MMP24: variants seen among roughly 807,000 people sequenced by gnomAD.
MMP24 encodes matrix metallopeptidase 24.
A neutral mutation model predicts 62.8 loss-of-function variants in MMP24; 25 were observed. That is an observed-to-expected ratio of 0.40 (90% CI 0.29 to 0.56). The LOEUF is 0.56. Ranked by LOEUF, MMP24 falls within the 20% of genes least tolerant of loss-of-function variation. The probability of loss-of-function intolerance (pLI) is 0.50; values close to 1 mark genes in which losing one functional copy is unlikely to be tolerated. For missense variants in MMP24, 634 were observed against 853.6 expected, an observed-to-expected ratio of 0.74 and a Z score of 3.21; for synonymous variants, 319 against 350.5, an observed-to-expected ratio of 0.91 and a Z score of 1.00.
chr20:35,238,138 G>C (rs963807308), intron 1 of MMP24, among the ~76,000 whole-genome samples: 1 of 152,200 alleles, frequency 6.6e-6, no homozygotes. Context: ...AGAGATAACT[G>C]CAGAGCCGAG....
In MMP24 at chr20:35,271,786, G is replaced by T; in HGVS notation, c.1551G>T (p.Trp517Cys). 1 of 1,607,740 alleles carries T rather than the reference G, an allele frequency of 6.2e-7. No individual in the cohort carries two copies. Residue 517 changes from tryptophan to cysteine, a missense_variant, in exon 8 of 9, where the codon TGG becomes TGT. By Grantham distance (215) the Trp-to-Cys change is radical. Transcript: ENST00000246186. The surrounding 1 kb of genome is among the most constrained non-coding windows in gnomAD (Gnocchi z 4.0). Reference protein sequence around the residue: ...DPGYPKPITVWKGIPQAPQGA... With the variant: ...DPGYPKPITVCKGIPQAPQGA... ...GCTACCCTAAGCCCATCACCGTGTG[G>T]AAGGGCATCCCACAGGCTCCCCAAG...
chr20:35,269,873 C>G lies in MMP24; in HGVS notation c.1308C>G (p.Ala436=). 1.3e-6 allele frequency: 2 copies of G among 1,552,042 alleles called. No homozygotes were observed. Among genetic ancestry groups the G allele is most frequent in the Non-Finnish European group, 1.7e-6 (2 of 1,147,198 alleles). The change falls in exon 7 of 9, where the codon GCC becomes GCG. Residue 436 remains alanine, a synonymous_variant. Coordinates refer to ENST00000246186, the MANE Select transcript of MMP24 (RefSeq NM_006690.4). This position sits in a 1 kb window ranked among gnomAD's most constrained non-coding sequence, Gnocchi z 4.6. ...GCATCGACGCAGCCTATGAAAGGGC[C>G]GATGGGAGATTTGTCTTCTTCAAAG... ...PARIDAAYER[A]DGRFVFFKGD...
chr20:35,266,311 C>T (rs1341258660), intron 5 of MMP24, among the ~76,000 whole-genome samples: 5 of 143,658 alleles, frequency 3.5e-5, no homozygotes, highest in Middle Eastern at 3.6e-3. Flanking sequence ...TAGATCACGC[C>T]ACTGCACTCC....
intron 6 of MMP24, among the ~76,000 whole-genome samples, 152 bp downstream of exon 6, chr20:35,267,571 T>G (rs1221556785): frequency 6.6e-6 from 1 of 152,196 alleles, no homozygotes; most frequent in Non-Finnish European, 1.5e-5. Flanking sequence ...TGGGGTCTCT[T>G]CCTAGTGCTG....
intron 1 of MMP24, among the ~76,000 whole-genome samples, chr20:35,233,370 C>T (rs529335923): frequency 6.6e-6 from 1 of 152,246 alleles, no homozygotes; most frequent in Admixed American, 6.5e-5. Flanking sequence ...GATTGAACTA[C>T]TGTACTCCAG....
At chr20:35,238,076 A>G (rs1436495504) in intron 1 of MMP24, among the ~76,000 whole-genome samples, 2 of 152,192 alleles carry the variant, frequency 1.3e-5, no homozygotes, top group African/African-American at 4.8e-5. Flanking sequence ...CTGCTGATGG[A>G]CCATTTGCTC....
intron 1 of MMP24, among the ~76,000 whole-genome samples, chr20:35,230,683 T>C (rs894102166): frequency 2.0e-5 from 3 of 152,138 alleles, no homozygotes; most frequent in Admixed American, 6.5e-5. Context: ...TAGAAAGAAA[T>C]TGAGAGATAA....
intron 4 of MMP24, among the ~76,000 whole-genome samples, chr20:35,258,953 G>C (rs2060588763): frequency 6.6e-6 from 1 of 152,138 alleles, no homozygotes; most frequent in African/African-American, 2.4e-5. Context: ...GCCGAGGGGG[G>C]GCAGATCACC....
chr20:35,272,200 A>G (rs2060674177), intron 8 of MMP24: 1 of 426,820 alleles, frequency 2.3e-6, no homozygotes, highest in African/African-American at 2.0e-5. Context: ...ACAGGGCTCG[A>G]GGGCAAGAAG....
intron 6 of MMP24, chr20:35,267,823 T>C (rs2425033): frequency 0.19 from 46,762 of 242,546 alleles, 6,582 homozygotes; most frequent in African/African-American, 0.45. Flanking sequence ...AGGTCAGTGG[T>C]GGCTGAGTCT....
At chr20:35,259,089 G>A (rs1304365006) in intron 4 of MMP24, among the ~76,000 whole-genome samples, 1 of 152,226 alleles carries the variant, frequency 6.6e-6, no homozygotes, top group Non-Finnish European at 1.5e-5. Context: ...GCTGAGGCAG[G>A]AGAATGGCTT....
chr20:35,274,219 G>A lies in MMP24; in HGVS notation c.1601-53G>A, dbSNP rs2060689980. The A allele has an allele frequency of 6.6e-7, 1 of 1,523,078 alleles. No individual in the cohort carries two copies. 94.3% of individuals were successfully genotyped at this position (1,523,078 alleles called of 1,614,324 possible). ...GTGCCCTCCTTTTCACACTGCCCCA[G>A]AGCAGGTGCCGGAAGTGTCTGGGAG... On this transcript the variant is annotated intron_variant, in intron 8 of 8. Transcript: ENST00000246186. This position sits in a 1 kb window ranked among gnomAD's most constrained non-coding sequence, Gnocchi z 5.1.
At chr20:35,236,275 G>C (rs997805308) in intron 1 of MMP24, 2 of 152,182 alleles carry the variant, frequency 1.3e-5, no homozygotes, top group African/African-American at 4.8e-5. Flanking sequence ...CCCTCTGAGA[G>C]GCAGAGATGC....
chr20:35,238,120 A>G (rs1353684631), intron 1 of MMP24, among the ~76,000 whole-genome samples: 1 of 152,196 alleles, frequency 6.6e-6, no homozygotes, highest in Non-Finnish European at 1.5e-5. Context: ...GGACAAGGTG[A>G]GGGACTCAGA....
chr20:35,257,099 G>A (rs1442416452), intron 4 of MMP24, among the ~76,000 whole-genome samples: 3 of 152,196 alleles, frequency 2.0e-5, no homozygotes, highest in Non-Finnish European at 4.4e-5. Context: ...CATGTTTGGT[G>A]TCTATAGTTG....
At chr20:35,228,499 G>A (rs371075156) in intron 1 of MMP24, among the ~76,000 whole-genome samples, 1 of 152,144 alleles carries the variant, frequency 6.6e-6, no homozygotes, top group Admixed American at 6.5e-5. Flanking sequence ...GGATGAGGTG[G>A]AAAGACCCTG....
At chr20:35,240,092 G>T (rs1428208038) in intron 1 of MMP24, among the ~76,000 whole-genome samples, 1 of 152,150 alleles carries the variant, frequency 6.6e-6, no homozygotes, top group East Asian at 1.9e-4. Context: ...TAGGGCTCTG[G>T]ATACTTGTAG....
At position 35,254,542 on chromosome 20, in the gene MMP24, C is replaced by G. The variant is rs2060565057; in HGVS notation, c.605C>G (p.Thr202Ser). 6.2e-7 allele frequency: 1 copy of G among 1,613,878 alleles called. No homozygotes were observed. Among genetic ancestry groups the G allele is most frequent in the Admixed American group, 1.7e-5 (1 of 59,994 alleles). The change falls in exon 4 of 9, where the codon ACC becomes AGC. Residue 202 changes from threonine to serine, a missense_variant. Physicochemically the swap from Thr to Ser is moderately conservative, Grantham distance 58 (BLOSUM62 1). This residue lies in a region of MMP24 where 212 missense variants were observed against 259.6 expected (regional missense o/e 0.82). Coordinates refer to ENST00000246186, the MANE Select transcript of MMP24 (RefSeq NM_006690.4). Reference sequence around the variant, plus strand: ...GTGTGGCAGAAGGTGACCCCACTGACCTTTGAAGAGGTGCCATACCATGAG... The same window carrying G: ...GTGTGGCAGAAGGTGACCCCACTGAGCTTTGAAGAGGTGCCATACCATGAG... ...FDVWQKVTPL[T>S]FEEVPYHEIK...
chr20:35,228,909 T>C (rs2060426561), intron 1 of MMP24, among the ~76,000 whole-genome samples: 1 of 152,076 alleles, frequency 6.6e-6, no homozygotes, highest in Admixed American at 6.6e-5. Flanking sequence ...GACCCTACGG[T>C]TTTGCATAAA....
Sources: allele counts gnomAD v4.1 joint callset (sites outside exome capture counted in the v4.1 genomes callset), GRCh38; gene constraint gnomAD v4.1.1; regional missense constraint gnomAD v4.1.1; non-coding constraint Gnocchi (gnomAD v3.1); transcripts MANE v1.5; gene names NCBI Gene and HGNC (gene_info 2026-07-23, HGNC 2026-07-21).